Variants in CSMD1 observed in about 807,000 individuals in gnomAD.
CSMD1 encodes CUB and Sushi multiple domains 1.
CSMD1 carries 213 observed loss-of-function variants against 417.5 expected under a neutral mutation model. The observed-to-expected ratio is 0.51, with a 90% CI of 0.46 to 0.57. The LOEUF (loss-of-function observed/expected upper bound fraction) is 0.57. CSMD1 is among the 20% of genes least tolerant of loss of function. The pLI, the probability that CSMD1 is intolerant of heterozygous loss-of-function variation, is 0.00. For missense variants in CSMD1, 6,923 were observed against 4,529.7 expected, an observed-to-expected ratio of 1.53 and a Z score of -15.17; for synonymous variants, 2,862 against 1,736.8, an observed-to-expected ratio of 1.65 and a Z score of -16.11.
At chr8:4,035,436 C>A (rs1797567528) in intron 3 of CSMD1, among the ~76,000 whole-genome samples, 1 of 152,114 alleles carries the variant, frequency 6.6e-6, no homozygotes, top group Non-Finnish European at 1.5e-5. Context: ...TTAGTCAGGT[C>A]CTTCAGGAAG....
chr8:4,671,595 C>T (rs1038765547), intron 1 of CSMD1, among the ~76,000 whole-genome samples: 3 of 152,300 alleles, frequency 2.0e-5, no homozygotes, highest in African/African-American at 2.4e-5. Flanking sequence ...TCTCAAACAA[C>T]GTTATCTTCA....
At chr8:3,168,653 A>ACACACACACAC (rs1554448529) in intron 37 of CSMD1, among the ~76,000 whole-genome samples, 2 of 151,754 alleles carry the variant, frequency 1.3e-5, no homozygotes, top group African/African-American at 2.4e-5. Context: ...ACACACACAC[A>ACACACACACAC]AATATATATA....
chr8:4,833,912 C>T (rs1191483104), intron 1 of CSMD1, among the ~76,000 whole-genome samples: 2 of 152,124 alleles, frequency 1.3e-5, no homozygotes, highest in Non-Finnish European at 2.9e-5. Context: ...GATTGGTGTT[C>T]ACCACCCACC....
intron 7 of CSMD1, among the ~76,000 whole-genome samples, chr8:3,680,616 G>A (rs893500359): frequency 1.3e-5 from 2 of 152,136 alleles, no homozygotes; most frequent in Non-Finnish European, 2.9e-5. Context: ...GTACAAAGAG[G>A]AGCAGGTACC....
chr8:3,935,572 T>C (rs1010051976), intron 5 of CSMD1, among the ~76,000 whole-genome samples: 1 of 152,188 alleles, frequency 6.6e-6, no homozygotes. Flanking sequence ...TTGTACTTGC[T>C]ATGGTGATCT....
chr8:4,437,728 T>G (rs926597572), intron 2 of CSMD1, among the ~76,000 whole-genome samples: 2 of 152,132 alleles, frequency 1.3e-5, no homozygotes, highest in African/African-American at 4.8e-5. Context: ...TATACTTGCT[T>G]AGGCTGCCAA....
intron 3 of CSMD1, among the ~76,000 whole-genome samples, chr8:4,381,580 C>G (rs1380386464): frequency 6.6e-6 from 1 of 152,064 alleles, no homozygotes; most frequent in Non-Finnish European, 1.5e-5. Flanking sequence ...TGCCCAAAAG[C>G]AATGACCACT....
intron 5 of CSMD1, among the ~76,000 whole-genome samples, chr8:3,816,768 C>T (rs959394097): frequency 5.3e-5 from 8 of 151,972 alleles, no homozygotes; most frequent in African/African-American, 1.9e-4. Context: ...TAATGTGTGT[C>T]AATAATTTTT....
intron 10 of CSMD1, among the ~76,000 whole-genome samples, chr8:3,549,116 G>A (rs528737504): frequency 2.0e-4 from 30 of 152,144 alleles, no homozygotes; most frequent in Non-Finnish European, 3.7e-4. Flanking sequence ...CCATGCAGAT[G>A]CCCGCTTCCA....
At chr8:4,643,009 A>G (rs1053119713) in intron 1 of CSMD1, among the ~76,000 whole-genome samples, 4 of 152,174 alleles carry the variant, frequency 2.6e-5, no homozygotes, top group African/African-American at 9.7e-5. Flanking sequence ...TGGAGATGAA[A>G]AGACTTGGGA....
At chr8:3,331,865 C>G (rs1287495653) in intron 23 of CSMD1, among the ~76,000 whole-genome samples, 1 of 152,046 alleles carries the variant, frequency 6.6e-6, no homozygotes. Flanking sequence ...CTTTTCTGGC[C>G]TATGTAAGAG....
intron 3 of CSMD1, among the ~76,000 whole-genome samples, chr8:4,372,808 G>A (rs572572675): frequency 2.0e-5 from 3 of 152,080 alleles, no homozygotes; most frequent in South Asian, 4.2e-4. Context: ...AGTGCATACT[G>A]ATAAAAATAA....
intron 3 of CSMD1, among the ~76,000 whole-genome samples, chr8:4,169,739 T>A (rs893475315): frequency 9.2e-5 from 14 of 152,122 alleles, no homozygotes. Context: ...TTGTGGAGGT[T>A]CAAACGCCCC....
intron 5 of CSMD1, among the ~76,000 whole-genome samples, chr8:3,913,932 A>C (rs769264322): frequency 1.9e-4 from 29 of 151,886 alleles, no homozygotes; most frequent in Non-Finnish European, 3.8e-4. Flanking sequence ...GACTCAAATA[A>C]ATTAACGATC....
Position 3,569,498 on chromosome 8 carries a change from C to G in CSMD1, c.1344+5447G>C, listed in dbSNP as rs76404587. Among the ~76,000 whole-genome samples the G allele has an allele frequency of 8.7e-3, 1,326 of 152,240 alleles. 22 individuals are homozygous for G. The highest frequency in any genetic ancestry group is 0.03 in the African/African-American group (1,250 of 41,548). ...ACTAAGAGAGAATTGGCGTCGGAAA[C>G]TGCTTTTCTGTCCTATCTTATTTCT... On this transcript the variant is annotated intron_variant, in intron 10 of 69. Coordinates refer to ENST00000635120, the MANE Select transcript of CSMD1 (RefSeq NM_033225.6).
At chr8:4,782,818 A>C (rs933414101) in intron 1 of CSMD1, among the ~76,000 whole-genome samples, 1 of 152,182 alleles carries the variant, frequency 6.6e-6, no homozygotes, top group Non-Finnish European at 1.5e-5. Context: ...ATGGTCCACC[A>C]ATTTAAATTT....
intron 1 of CSMD1, among the ~76,000 whole-genome samples, chr8:4,876,816 T>G: frequency 6.6e-6 from 1 of 152,008 alleles, no homozygotes; most frequent in Admixed American, 6.6e-5. Context: ...AGATCTAAAT[T>G]AGTTCAAGTA....
intron 1 of CSMD1, among the ~76,000 whole-genome samples, chr8:4,781,994 T>G (rs191730563): frequency 1.3e-5 from 2 of 152,310 alleles, no homozygotes; most frequent in Admixed American, 6.5e-5. Context: ...CTCCAGAGTT[T>G]CCACTCTTGC....
intron 3 of CSMD1, among the ~76,000 whole-genome samples, chr8:4,164,720 A>G (rs1037482370): frequency 1.3e-5 from 2 of 152,094 alleles, no homozygotes; most frequent in Non-Finnish European, 2.9e-5. Context: ...AGATTCAAGT[A>G]CTAAAAGTAT....
Sources: gnomAD v4.1 joint callset for allele counts (sites outside exome capture counted in the v4.1 genomes callset) on GRCh38, gnomAD v4.1.1 for gene constraint, MANE v1.5 for transcripts, NCBI Gene and HGNC (gene_info 2026-07-23, HGNC 2026-07-21) for gene names.